JDP2: variants seen among roughly 807,000 people sequenced by gnomAD.
JDP2 encodes progesterone receptor co-activator.
In JDP2, 9 loss-of-function variants were observed where a neutral mutation model predicts 17.1. The ratio of observed to expected loss-of-function variants is 0.53; its 90% CI spans 0.32 to 0.92. The LOEUF (loss-of-function observed/expected upper bound fraction) is 0.92, where lower values mean the gene tolerates loss of function less well. JDP2 is among the 40% of genes least tolerant of loss of function. The pLI is 0.04. For synonymous variants in JDP2, 107 were observed against 95.6 expected (o/e 1.12, Z -0.69); for missense variants, 179 against 220.0 (o/e 0.81, Z 1.18).
In JDP2 at chr14:75,428,928, GC is replaced by G. The variant is rs1389737629; in HGVS notation, c.-24+677del. ...CCAGGTTATATAAGGAGGCAAGCAG[GC>G]TCCTGTAGGTAACCAGCCTCTCCCT... is the stretch of plus-strand genomic sequence containing the variant. On this transcript the variant is annotated intron_variant, in intron 1 of 3. Transcript: ENST00000651602. This position sits in a 1 kb window ranked among gnomAD's most constrained non-coding sequence, Gnocchi z 5.6. Among the ~76,000 whole-genome samples the G allele has an allele frequency of 3.9e-5, 6 of 152,182 alleles. No individual in the cohort carries two copies. The highest frequency in any genetic ancestry group is 7.4e-5 in the Non-Finnish European group (5 of 67,984).
chr14:75,429,126 A>T (rs1884672257), intron 1 of JDP2, among the ~76,000 whole-genome samples: 1 of 152,140 alleles, frequency 6.6e-6, no homozygotes, highest in Admixed American at 6.5e-5. Context: ...TAGGAGGAGC[A>T]GGGAAGATGA....
intron 2 of JDP2, chr14:75,445,480 A>G (rs1885555436): frequency 1.0e-6 from 1 of 985,212 alleles, no homozygotes; most frequent in South Asian, 4.7e-5. Context: ...ACACCCTACC[A>G]ACTCCCCAGT....
In JDP2 at chr14:75,459,526, T is replaced by C. The variant is rs182512703; in HGVS notation, c.202-1900T>C. Among the ~76,000 whole-genome samples, 351 of 152,260 alleles carry C rather than the reference T, an allele frequency of 2.3e-3. 1 individual carries two copies. Among genetic ancestry groups the C allele is most frequent in the African/African-American group, 7.8e-3 (326 of 41,550 alleles). ...CTGCCAAGGCCTGTGCCGATGGCCA[T>C]GGTGCTGGTCTCGGGCCCAGGCGCT... On this transcript the variant is annotated intron_variant, in intron 2 of 3. Transcript: ENST00000651602.
In JDP2 at chr14:75,433,980, A is replaced by G. The variant is rs1884941683; in HGVS notation, c.-23-3918A>G. On this transcript the variant is annotated intron_variant, in intron 1 of 3. Transcript: ENST00000651602. The stretch of plus-strand genomic sequence containing the variant: ...AGGGAAAAAACTCTGGGTTCTTCTG[A>G]AGCTTTTAGTGCGTAGTTCTTCTTT... 2.0e-5 allele frequency among the ~76,000 whole-genome samples: 3 copies of G among 152,092 alleles called. No homozygotes were observed. In the South Asian group the frequency reaches 6.2e-4, roughly 32 times the overall value.
intron 1 of JDP2, among the ~76,000 whole-genome samples, chr14:75,434,550 C>A (rs1247828652): frequency 1.3e-5 from 2 of 152,122 alleles, no homozygotes; most frequent in Non-Finnish European, 2.9e-5. Flanking sequence ...ATTTATGGGG[C>A]CCGTGCTCCC....
rs1886301298 is a variant in JDP2 at position 75,460,411 on chromosome 14, GAA to G, written c.202-1014_202-1013del. On this transcript the variant is annotated intron_variant, in intron 2 of 3. Transcript: ENST00000651602. ...CAGCATTTGGAAAGGGCCAAGAAAGGAACATTGGGTATGGAGGAGCGGGGAAG... is the reference window on the plus strand; with the variant it reads ...CAGCATTTGGAAAGGGCCAAGAAAGGCATTGGGTATGGAGGAGCGGGGAAG... Among the ~76,000 whole-genome samples the G allele has an allele frequency of 3.3e-5, 5 of 152,332 alleles. No individual in the cohort carries two copies. The South Asian group carries it at 8.3e-4, about 25-fold the overall frequency.
At chr14:75,440,222 G>A (rs1018503479) in intron 2 of JDP2, among the ~76,000 whole-genome samples, 3 of 152,266 alleles carry the variant, frequency 2.0e-5, no homozygotes, top group South Asian at 2.1e-4. Context: ...CCTCTCCCTC[G>A]CTGTCAGACT....
In JDP2 at chr14:75,469,357, G is replaced by A. The variant is rs1173392439; in HGVS notation, c.374G>A (p.Arg125Gln). The A allele has an allele frequency of 3.7e-6, 6 of 1,614,120 alleles. No individual in the cohort carries two copies. The highest frequency in any genetic ancestry group is 5.1e-6 in the Non-Finnish European group (6 of 1,179,990). Residue 125 changes from arginine (R) to glutamine (Q), a missense_variant, in exon 4 of 4, where the codon CGG (arginine) becomes CAG (glutamine). Transcript: ENST00000651602. ...CAGATTGAGGAGCTGAAGCAGGAGC[G>A]GCAGCAGCTCATCCTGATGCTGAAC... ...KTQIEELKQE[R>Q]QQLILMLNRH...
At chr14:75,460,414 C>A (rs1477459) in intron 2 of JDP2, among the ~76,000 whole-genome samples, 1 of 151,840 alleles carries the variant, frequency 6.6e-6, no homozygotes, top group East Asian at 1.9e-4. Context: ...AAGAAAGGAA[C>A]ATTGGGTATG....
chr14:75,444,898 C>T (rs993724759), intron 2 of JDP2, among the ~76,000 whole-genome samples: 3 of 152,180 alleles, frequency 2.0e-5, no homozygotes, highest in Non-Finnish European at 2.9e-5. Context: ...TTTTAATTAT[C>T]ATAACAAACT....
chr14:75,444,907 C>G (rs959801505), intron 2 of JDP2, among the ~76,000 whole-genome samples: 7 of 152,222 alleles, frequency 4.6e-5, no homozygotes, highest in South Asian at 2.1e-4. Flanking sequence ...TCATAACAAA[C>G]TATAAATGAG....
chr14:75,455,009 T>C (rs1290520892), intron 2 of JDP2, among the ~76,000 whole-genome samples: 1 of 152,134 alleles, frequency 6.6e-6, no homozygotes, highest in Non-Finnish European at 1.5e-5. Flanking sequence ...TGGACCAGGC[T>C]GGAGGCAGCA....
intron 3 of JDP2, among the ~76,000 whole-genome samples, chr14:75,462,513 G>A (rs1886385118): frequency 6.6e-6 from 1 of 152,120 alleles, no homozygotes; most frequent in Non-Finnish European, 1.5e-5. Flanking sequence ...CTACAGATAA[G>A]GAAACTAAGG....
intron 2 of JDP2, among the ~76,000 whole-genome samples, chr14:75,450,731 C>G (rs1310960195): frequency 1.3e-5 from 2 of 152,224 alleles, no homozygotes; most frequent in African/African-American, 4.8e-5. Context: ...GTCACCAGCT[C>G]TGTGGATCAG....
At chr14:75,457,961 C>T (rs901530745) in intron 2 of JDP2, among the ~76,000 whole-genome samples, 1 of 152,242 alleles carries the variant, frequency 6.6e-6, no homozygotes, top group African/African-American at 2.4e-5. Flanking sequence ...GCATCTCTCT[C>T]TGGAATCCTG....
In JDP2 at chr14:75,469,480, G is replaced by C. The variant is rs771285874; in HGVS notation, c.*5G>C. On this transcript the variant is annotated 3_prime_UTR_variant, in exon 4 of 4. Coordinates refer to ENST00000651602, the MANE Select transcript of JDP2 (RefSeq NM_001135048.2). Reference sequence around the variant, plus strand: ...GAGCAGCTCGAGAAGAAGTGACCATGGGCTGGGAGGAGGTGGAGGAGGAGG... The same window carrying C: ...GAGCAGCTCGAGAAGAAGTGACCATCGGCTGGGAGGAGGTGGAGGAGGAGG... The C allele has an allele frequency of 1.2e-6, 2 of 1,610,314 alleles. No individual in the cohort carries two copies. Among genetic ancestry groups the C allele is most frequent in the South Asian group, 2.2e-5 (2 of 90,850 alleles).
In JDP2 at chr14:75,469,408, G is replaced by A. The variant is rs950796096; in HGVS notation, c.425G>A (p.Arg142Gln). The A allele has an allele frequency of 3.7e-6, 6 of 1,613,996 alleles. No individual in the cohort carries two copies. The highest frequency in any genetic ancestry group is 1.3e-5 in the African/African-American group (1 of 74,902). The change falls in exon 4 of 4, where the codon CGG (arginine) becomes CAG (glutamine). Residue 142 changes from arginine to glutamine, a missense_variant. By Grantham distance (43) the Arg-to-Gln change is conservative (BLOSUM62 1). Transcript: ENST00000651602. Reference sequence around the variant, plus strand: ...CGACACCGCCCCACCTGCATCGTCCGGACCGACAGTGTCAAGACCCCCGAG... The same window carrying A: ...CGACACCGCCCCACCTGCATCGTCCAGACCGACAGTGTCAAGACCCCCGAG... ...LNRHRPTCIV[R>Q]TDSVKTPESE...
At chr14:75,455,119 CA>C (rs1886043397) in intron 2 of JDP2, among the ~76,000 whole-genome samples, 1 of 152,128 alleles carries the variant, frequency 6.6e-6, no homozygotes, top group Non-Finnish European at 1.5e-5. Context: ...GGCTCCAGGG[CA>C]AACTTCTCTG....
chr14:75,464,753 C>T (rs1028763280), intron 3 of JDP2, among the ~76,000 whole-genome samples: 4 of 152,200 alleles, frequency 2.6e-5, no homozygotes, highest in African/African-American at 9.7e-5. Flanking sequence ...CTAGACTAGC[C>T]GAGGCCCTGA....
Sources: gnomAD v4.1 joint callset for allele counts (sites outside exome capture counted in the v4.1 genomes callset) on GRCh38, gnomAD v4.1.1 for gene constraint, Gnocchi (gnomAD v3.1) non-coding constraint, MANE v1.5 for transcripts, NCBI Gene and HGNC (gene_info 2026-07-23, HGNC 2026-07-21) for gene names.